Variants in CNTNAP4 observed in about 807,000 individuals in gnomAD.
CNTNAP4 encodes the protein contactin-associated protein-like 4.
CNTNAP4 carries 98 observed loss-of-function variants against 148.4 expected under a neutral mutation model. The ratio of observed to expected loss-of-function variants is 0.66; its 90% CI spans 0.56 to 0.78. The LOEUF is 0.78. Ranked by LOEUF, CNTNAP4 falls within the 30% of genes least tolerant of loss-of-function variation. The pLI, the probability that CNTNAP4 is intolerant of heterozygous loss-of-function variation, is 0.00. For missense variants in CNTNAP4, 1,935 were observed against 1,565.6 expected, an observed-to-expected ratio of 1.24 and a Z score of -3.98; for synonymous variants, 730 against 565.1, an observed-to-expected ratio of 1.29 and a Z score of -4.14.
intron 2 of CNTNAP4, among the ~76,000 whole-genome samples, chr16:76,344,791 G>T (rs1964769367): frequency 6.6e-6 from 1 of 152,156 alleles, no homozygotes; most frequent in African/African-American, 2.4e-5. Flanking sequence ...ACCTCTTTCG[G>T]TTGTGTCAGT....
intron 3 of CNTNAP4, among the ~76,000 whole-genome samples, chr16:76,403,118 A>C (rs1363121670): frequency 1.1e-4 from 16 of 150,778 alleles, no homozygotes; most frequent in Admixed American, 1.1e-3. Context: ...TTTGAGACGA[A>C]GTCTCGCTCT....
intron 4 of CNTNAP4, among the ~76,000 whole-genome samples, chr16:76,446,362 A>T (rs1039571851): frequency 4.6e-5 from 7 of 152,188 alleles, no homozygotes; most frequent in Admixed American, 1.3e-4. Context: ...TTATTACATA[A>T]GTGCACTCTC....
Position 76,498,667 on chromosome 16 carries a change from C to G in CNTNAP4, c.2338C>G (p.Leu780Val), listed in dbSNP as rs201390951. 60 of 1,611,672 alleles carry G rather than the reference C, an allele frequency of 3.7e-5. No homozygotes were observed. In the Middle Eastern group the frequency reaches 1.3e-3, roughly 35 times the overall value. The part of the protein sequence containing the change: ...GRLHSEAAYK[L>V]GPLLCQGDRS... ...ACTGCATTCAGAAGCAGCTTATAAA[C>G]TGGGGCCTCTGCTCTGCCAGGGAGA... The change falls in exon 15 of 24, where the codon CTG becomes GTG. Residue 780 changes from leucine (L) to valine (V), a missense_variant. By Grantham distance (32) the Leu-to-Val change is conservative. Transcript: ENST00000611870.
At chr16:76,398,445 C>T (rs1404998110) in intron 3 of CNTNAP4, among the ~76,000 whole-genome samples, 1 of 152,148 alleles carries the variant, frequency 6.6e-6, no homozygotes, top group Non-Finnish European at 1.5e-5. Context: ...CCTACCGTGT[C>T]TTCCCTACCC....
At chr16:76,530,985 T>A (rs2083960159) in intron 17 of CNTNAP4, among the ~76,000 whole-genome samples, 1 of 152,194 alleles carries the variant, frequency 6.6e-6, no homozygotes, top group Non-Finnish European at 1.5e-5. Context: ...GTCACTATTC[T>A]GCCCCAAGTT....
At chr16:76,383,430 G>C (rs1166446336) in intron 3 of CNTNAP4, among the ~76,000 whole-genome samples, 1 of 147,228 alleles carries the variant, frequency 6.8e-6, no homozygotes, top group Non-Finnish European at 1.5e-5. Context: ...TGTAACAACA[G>C]AGGGGAACAA....
chr16:76,383,637 C>G (rs998744166), intron 3 of CNTNAP4, among the ~76,000 whole-genome samples: 1 of 152,112 alleles, frequency 6.6e-6, no homozygotes, highest in Non-Finnish European at 1.5e-5. Context: ...AAGAGATAAG[C>G]AGTCCACACA....
intron 1 of CNTNAP4, among the ~76,000 whole-genome samples, chr16:76,306,506 T>G (rs570847371): frequency 1.3e-5 from 2 of 152,182 alleles, no homozygotes; most frequent in Non-Finnish European, 2.9e-5. Context: ...GGACCAGTTA[T>G]AGAAAGCAAA....
intron 2 of CNTNAP4, among the ~76,000 whole-genome samples, chr16:76,337,713 G>A (rs1232886174): frequency 6.6e-6 from 1 of 152,114 alleles, no homozygotes; most frequent in Non-Finnish European, 1.5e-5. Context: ...GGAGACCAGG[G>A]TGTATTTCAT....
In CNTNAP4 at chr16:76,425,487, T is replaced by G. The variant is rs112893335; in HGVS notation, c.391-1965T>G. Among the ~76,000 whole-genome samples the G allele has an allele frequency of 1.2e-3, 188 of 152,142 alleles. 1 individual carries two copies. The highest frequency in any genetic ancestry group is 4.2e-3 in the African/African-American group (175 of 41,504). On this transcript the variant is annotated intron_variant, in intron 3 of 23. Coordinates refer to ENST00000611870, the MANE Select transcript of CNTNAP4 (RefSeq NM_033401.5). ...AATAAACCTCCCTGCTTTAGTAGAGTTTGTTTTCTAGGAGGATAAGATAAA... is the reference window on the plus strand; with the variant it reads ...AATAAACCTCCCTGCTTTAGTAGAGGTTGTTTTCTAGGAGGATAAGATAAA...
intron 3 of CNTNAP4, among the ~76,000 whole-genome samples, chr16:76,405,278 T>C (rs1506829): frequency 0.43 from 65,768 of 151,968 alleles, 14,477 homozygotes; most frequent in Non-Finnish European, 0.45. Context: ...TGTAATTGTT[T>C]TTTCCCAGTA....
chr16:76,504,913 A>G (rs1189591464), intron 15 of CNTNAP4, among the ~76,000 whole-genome samples: 1 of 152,186 alleles, frequency 6.6e-6, no homozygotes, highest in Non-Finnish European at 1.5e-5. Flanking sequence ...TGATACCAAT[A>G]TGTAACTGTT....
At chr16:76,427,659 A>G (rs1001669288) in intron 4 of CNTNAP4, 60 bp downstream of exon 4, 2 of 1,428,950 alleles carry the variant, frequency 1.4e-6, no homozygotes, top group Admixed American at 5.1e-5. Context: ...TTTAAAAGCC[A>G]AACTACAAAC....
intron 1 of CNTNAP4, among the ~76,000 whole-genome samples, chr16:76,291,461 T>C (rs28581789): frequency 0.02 from 3,107 of 152,278 alleles, 94 homozygotes; most frequent in African/African-American, 0.071. Flanking sequence ...CAAGAGTTTC[T>C]GATATCCCAA....
intron 2 of CNTNAP4, among the ~76,000 whole-genome samples, chr16:76,346,097 C>G (rs755928122): frequency 1.3e-5 from 2 of 152,060 alleles, no homozygotes; most frequent in Non-Finnish European, 2.9e-5. Context: ...GCATGTAATT[C>G]TATAAGATAT....
intron 1 of CNTNAP4, among the ~76,000 whole-genome samples, chr16:76,297,945 A>G (rs963040933): frequency 2.6e-5 from 4 of 152,122 alleles, no homozygotes; most frequent in Non-Finnish European, 5.9e-5. Flanking sequence ...TATGTCAAAC[A>G]TATTATTTTT....
At chr16:76,318,694 CAT>C (rs1962069554) in intron 2 of CNTNAP4, among the ~76,000 whole-genome samples, 1 of 136,616 alleles carries the variant, frequency 7.3e-6, no homozygotes, top group African/African-American at 2.6e-5. Context: ...TAATATTTCT[CAT>C]AATGATTTAT....
chr16:76,503,903 C>T (rs940778936), intron 15 of CNTNAP4, among the ~76,000 whole-genome samples: 3 of 150,884 alleles, frequency 2.0e-5, no homozygotes, highest in African/African-American at 7.3e-5. Context: ...TATACTAGCA[C>T]CAACAACATA....
chr16:76,528,783 G>T (rs1212648823), intron 17 of CNTNAP4, among the ~76,000 whole-genome samples: 1 of 152,138 alleles, frequency 6.6e-6, no homozygotes, highest in Non-Finnish European at 1.5e-5. Flanking sequence ...TAAAAAATGT[G>T]ATCCAGTTGG....
Sources: allele counts gnomAD v4.1 joint callset (sites outside exome capture counted in the v4.1 genomes callset), GRCh38; gene constraint gnomAD v4.1.1; transcripts MANE v1.5; gene names NCBI Gene and HGNC (gene_info 2026-07-23, HGNC 2026-07-21).